Variants in BDH1 observed in about 807,000 individuals in gnomAD.
The protein encoded by BDH1 is 3-hydroxybutyrate dehydrogenase 1.
Under a neutral mutation model 33.1 loss-of-function variants are expected in BDH1, and 30 were observed. That is an observed-to-expected ratio of 0.91 (90% CI 0.68 to 1.23). BDH1 has a LOEUF of 1.23. BDH1 is among the 50% of genes most tolerant of loss of function. BDH1 has a pLI of 0.00. For missense variants in BDH1, 443 were observed against 464.4 expected (o/e 0.95, Z 0.42); for synonymous variants, 190 against 183.6 (o/e 1.03, Z -0.28).
At chr3:197,530,625 C>G (rs1714558496) in intron 5 of BDH1, 1 of 151,354 alleles carries the variant, frequency 6.6e-6, no homozygotes, top group African/African-American at 2.4e-5. Flanking sequence ...AACAAAAATA[C>G]AAAGTTATTC....
Position 197,523,717 on chromosome 3 carries a change from G to A in BDH1, c.268-936C>T, listed in dbSNP as rs1414527580. On this transcript the variant is annotated intron_variant, in intron 5 of 7. Coordinates refer to ENST00000392379, the MANE Select transcript of BDH1 (RefSeq NM_203314.3). The surrounding 1 kb of genome is among the most constrained non-coding windows in gnomAD (Gnocchi z 4.5). The stretch of plus-strand genomic sequence containing the variant: ...AGCACGTAAGCGACACAGTGACTGT[G>A]TGCTGTATGGAACCTGGCGGGAGGT... 6.6e-6 allele frequency among the ~76,000 whole-genome samples: 1 copy of A among 152,176 alleles called. No individual in the cohort carries two copies. Among genetic ancestry groups the A allele is most frequent in the East Asian group, 1.9e-4 (1 of 5,196 alleles).
chr3:197,561,299 A>C (rs973928828), intron 1 of BDH1, among the ~76,000 whole-genome samples: 2 of 152,032 alleles, frequency 1.3e-5, no homozygotes, highest in Non-Finnish European at 2.9e-5. Context: ...GATCTCCCCA[A>C]ATTTGGTCAA....
Position 197,521,255 on chromosome 3 carries a change from G to A in BDH1, c.409+1385C>T, listed in dbSNP as rs1438713448. Among the ~76,000 whole-genome samples the A allele has an allele frequency of 6.6e-6, 1 of 152,132 alleles. No individual in the cohort carries two copies. The highest frequency in any genetic ancestry group is 6.5e-5 in the Admixed American group (1 of 15,272). Reference sequence around the variant, plus strand: ...AGATTCGCTTCTCCAGATGCTGCTGGGCGGCCCGGCTCCAGGGAGCTCCAT... The same window carrying A: ...AGATTCGCTTCTCCAGATGCTGCTGAGCGGCCCGGCTCCAGGGAGCTCCAT... On this transcript the variant is annotated intron_variant, in intron 6 of 7. Coordinates refer to ENST00000392379, the MANE Select transcript of BDH1 (RefSeq NM_203314.3). This position sits in a 1 kb window ranked among gnomAD's most constrained non-coding sequence, Gnocchi z 4.9.
intron 5 of BDH1, among the ~76,000 whole-genome samples, chr3:197,524,779 A>G (rs1033175160): frequency 6.6e-6 from 1 of 152,012 alleles, no homozygotes; most frequent in East Asian, 1.9e-4. Flanking sequence ...GGTGTGGGAA[A>G]GGTGGTACAG....
intron 3 of BDH1, chr3:197,534,056 T>C (rs1714939593): frequency 6.5e-6 from 1 of 154,196 alleles, no homozygotes; most frequent in African/African-American, 2.4e-5. Flanking sequence ...TAGATTCACA[T>C]GCAATTAAGA....
intron 3 of BDH1, among the ~76,000 whole-genome samples, chr3:197,542,475 G>A (rs1247680356): frequency 2.6e-5 from 4 of 151,072 alleles, no homozygotes; most frequent in East Asian, 1.9e-4. Context: ...CTCTCGGGAG[G>A]CACAAGTTAA....
rs561052750 is a variant in BDH1 at position 197,514,557 on chromosome 3, G to A, written c.410-141C>T. ...CCCAGTGCTCTCAAGAAACTTTCTA[G>A]AGTCACTCAGGAACGACAGGAGGTA... On this transcript the variant is annotated intron_variant, in intron 6 of 7. Transcript: ENST00000392379. This position sits in a 1 kb window ranked among gnomAD's most constrained non-coding sequence, Gnocchi z 4.2. 1.5e-5 allele frequency: 15 copies of A among 1,004,706 alleles called. No homozygotes were observed. The East Asian group carries it at 4.0e-4, about 27-fold the overall frequency. The allele number at this position is 1,004,706 out of a possible 1,614,324, so 62.2% of individuals were successfully genotyped here. A position where few individuals can be genotyped will look rare whatever the true frequency, so the allele number is the denominator to read the frequency against.
chr3:197,522,542 T>A lies in BDH1; in HGVS notation c.409+98A>T, dbSNP rs568976493. The A allele has an allele frequency of 2.7e-5, 40 of 1,475,604 alleles. No homozygotes were observed. The African/African-American group carries it at 4.4e-4, about 16-fold the overall frequency. 91.4% of individuals were successfully genotyped at this position (1,475,604 alleles called of 1,614,324 possible). On this transcript the variant is annotated intron_variant, in intron 6 of 7. Transcript: ENST00000392379. This position sits in a 1 kb window ranked among gnomAD's most constrained non-coding sequence, Gnocchi z 4.8. The stretch of plus-strand genomic sequence containing the variant: ...AGAGCCTAAACAATAAGGAAGGGAG[T>A]GTGGTGGCAGGATGCCAGCCAGTGG...
chr3:197,531,812 C>T (rs1714688871), intron 5 of BDH1, among the ~76,000 whole-genome samples: 1 of 152,116 alleles, frequency 6.6e-6, no homozygotes, highest in Non-Finnish European at 1.5e-5. Flanking sequence ...CTTTTGCAGT[C>T]TCGGGTCCCA....
intron 2 of BDH1, among the ~76,000 whole-genome samples, chr3:197,549,987 T>TATATATATATATATATATATATATATATA (rs1407118020): frequency 5.8e-5 from 7 of 121,106 alleles, no homozygotes; most frequent in African/African-American, 2.6e-4. Flanking sequence ...ATATATATAT[T>TATATATATATATATATATATATATATATA]TGGCCATTCC....
intron 3 of BDH1, chr3:197,546,025 T>G: frequency 5.7e-6 from 1 of 176,536 alleles, no homozygotes; most frequent in Non-Finnish European, 1.2e-5. Context: ...TAATCCCAGC[T>G]ACTCAGGAGG....
At position 197,532,470 on chromosome 3, in the gene BDH1, G is replaced by A. The variant is rs541287538; in HGVS notation, c.209C>T (p.Ser70Leu). The A allele has an allele frequency of 3.7e-6, 6 of 1,614,228 alleles. No individual in the cohort carries two copies. Among genetic ancestry groups the A allele is most frequent in the East Asian group, 2.2e-5 (1 of 44,884 alleles). Reference protein sequence around the residue: ...VTGCDSGFGFSLAKHLHSKGF... With the variant: ...VTGCDSGFGFLLAKHLHSKGF... ...TTTTGAATGCAGATGCTTGGCCAAT[G>A]AGAACCCAAATCCAGAGTCACAGCC... Residue 70 changes from serine (S) to leucine (L), a missense_variant, in exon 5 of 8, where the codon TCA becomes TTA. Physicochemically the swap from Ser to Leu is moderately radical, Grantham distance 145. Coordinates refer to ENST00000392379, the MANE Select transcript of BDH1 (RefSeq NM_203314.3).
At chr3:197,547,778 T>C (rs1716207741) in intron 2 of BDH1, among the ~76,000 whole-genome samples, 1 of 152,200 alleles carries the variant, frequency 6.6e-6, no homozygotes, top group Admixed American at 6.5e-5. Context: ...GCTCACTGCG[T>C]CGCAGCCACC....
chr3:197,568,858 T>A (rs2108777633), intron 1 of BDH1, among the ~76,000 whole-genome samples: 1 of 152,314 alleles, frequency 6.6e-6, no homozygotes, highest in Admixed American at 6.5e-5. Context: ...CCTTATAATA[T>A]CTCACTGATT....
upstream of BDH1, among the ~76,000 whole-genome samples, chr3:197,558,413 T>G (rs111782362): frequency 0.014 from 2,073 of 152,332 alleles, 29 homozygotes; most frequent in Non-Finnish European, 0.023. Context: ...TTCTGAGATA[T>G]GTTCTATGCA....
chr3:197,522,704 G>A lies in BDH1; in HGVS notation c.345C>T (p.Cys115=), dbSNP rs763948810. The A allele has an allele frequency of 4.3e-6, 7 of 1,614,070 alleles. No homozygotes were observed. In the Admixed American group the frequency reaches 6.7e-5, roughly 15 times the overall value. ...DRLRTVQLNV[C]SSEEVEKVVE... is the part of the protein sequence containing the mutation. ...CCACTTTCTCCACCTCTTCGCTGCT[G>A]CAGACATTGAGCTGGACGGTTCTCA... Residue 115 remains cysteine, a synonymous_variant, in exon 6 of 8, where the codon TGC becomes TGT. Transcript: ENST00000392379. This position sits in a 1 kb window ranked among gnomAD's most constrained non-coding sequence, Gnocchi z 4.8.
intron 1 of BDH1, among the ~76,000 whole-genome samples, chr3:197,566,942 A>G (rs1380938015): frequency 1.3e-5 from 2 of 152,230 alleles, no homozygotes; most frequent in East Asian, 3.8e-4. Context: ...AGAAAATAAT[A>G]GCAACCTTAT....
chr3:197,526,872 T>A lies in BDH1; in HGVS notation c.268-4091A>T, dbSNP rs1714150209. 6.6e-6 allele frequency among the ~76,000 whole-genome samples: 1 copy of A among 152,104 alleles called. No homozygotes were observed. Among genetic ancestry groups the A allele is most frequent in the South Asian group, 2.1e-4 (1 of 4,824 alleles). ...GGGCACACATGGTAAGCCAAGAAGC[T>A]CTCCGGGGAGTTCAAGAACTTGGAG... On this transcript the variant is annotated intron_variant, in intron 5 of 7. Transcript: ENST00000392379. This position sits in a 1 kb window ranked among gnomAD's most constrained non-coding sequence, Gnocchi z 4.7.
At chr3:197,572,554 G>A (rs111690381) in intron 1 of BDH1, among the ~76,000 whole-genome samples, 85 of 152,212 alleles carry the variant, frequency 5.6e-4, no homozygotes, top group African/African-American at 1.8e-3. Context: ...TTACTGGGCC[G>A]CAAGAATAAG....
Sources: allele counts gnomAD v4.1 joint callset (sites outside exome capture counted in the v4.1 genomes callset), GRCh38; gene constraint gnomAD v4.1.1; non-coding constraint Gnocchi (gnomAD v3.1); transcripts MANE v1.5; gene names NCBI Gene and HGNC (gene_info 2026-07-23, HGNC 2026-07-21).